Variants in UBE3A observed in about 807,000 individuals in gnomAD.
UBE3A encodes ubiquitin-protein ligase E3A.
A neutral mutation model predicts 83.4 loss-of-function variants in UBE3A; 6 were observed. The ratio of observed to expected loss-of-function variants is 0.07; its 90% CI spans 0.04 to 0.14. The LOEUF (loss-of-function observed/expected upper bound fraction) is 0.14, where lower values mean the gene tolerates loss of function less well. Among genes scored for constraint, UBE3A ranks in the 10% least tolerant of loss-of-function variants. The pLI is 1.00. For missense variants in UBE3A, 456 were observed against 1,036.1 expected (o/e 0.44, Z 7.69); for synonymous variants, 337 against 355.4 (o/e 0.95, Z 0.58).
intron 1 of UBE3A, among the ~76,000 whole-genome samples, chr15:25,429,796 G>A (rs1481466521): frequency 6.6e-6 from 1 of 151,604 alleles, no homozygotes; most frequent in Non-Finnish European, 1.5e-5. Flanking sequence ...CCTGAGGTTA[G>A]GAGTTTGAAA....
chr15:25,370,382 T>C lies in UBE3A; in HGVS notation c.1608+184A>G, dbSNP rs1354118676. Reference sequence around the variant, plus strand: ...ACCATTATATAATACAACCGATACTTTGTAGAACACATCTATAAACTTGCA... The same window carrying C: ...ACCATTATATAATACAACCGATACTCTGTAGAACACATCTATAAACTTGCA... On this transcript the variant is annotated intron_variant, in intron 6 of 12. Transcript: ENST00000648336. The surrounding 1 kb of genome is among the most constrained non-coding windows in gnomAD (Gnocchi z 4.2). Among the ~76,000 whole-genome samples the C allele has an allele frequency of 6.6e-6, 1 of 152,212 alleles. No individual in the cohort carries two copies. The highest frequency in any genetic ancestry group is 1.5e-5 in the Non-Finnish European group (1 of 68,040).
At chr15:25,434,793 G>A (rs532459982) in intron 1 of UBE3A, among the ~76,000 whole-genome samples, 1 of 152,246 alleles carries the variant, frequency 6.6e-6, no homozygotes, top group African/African-American at 2.4e-5. Flanking sequence ...TCATTTTAAA[G>A]CTTTGCACTC....
intron 4 of UBE3A, among the ~76,000 whole-genome samples, chr15:25,394,782 A>G (rs142194249): frequency 5.3e-5 from 8 of 152,360 alleles, no homozygotes; most frequent in African/African-American, 1.9e-4. Flanking sequence ...TTTCTGCAAG[A>G]TAATTAAAAA....
chr15:25,411,873 C>T (rs2090063318), intron 2 of UBE3A, 35 bp downstream of exon 2: 1 of 152,122 alleles, frequency 6.6e-6, no homozygotes, highest in Admixed American at 6.5e-5. Context: ...GATACACATG[C>T]AATACGAATT....
intron 6 of UBE3A, among the ~76,000 whole-genome samples, chr15:25,362,294 G>C (rs1257492820): frequency 1.3e-5 from 2 of 152,110 alleles, no homozygotes; most frequent in African/African-American, 2.4e-5. Flanking sequence ...GTTCAACACC[G>C]ATCTCTAATA....
At chr15:25,425,622 T>C (rs918815813) in intron 1 of UBE3A, among the ~76,000 whole-genome samples, 1 of 152,104 alleles carries the variant, frequency 6.6e-6, no homozygotes, top group African/African-American at 2.4e-5. Context: ...CCTCTACAGT[T>C]AAACACACTT....
intron 4 of UBE3A, among the ~76,000 whole-genome samples, chr15:25,382,384 C>T (rs192252209): frequency 1.0e-3 from 147 of 146,416 alleles, no homozygotes; most frequent in Non-Finnish European, 6.7e-4. Flanking sequence ...ATCCAGAATG[C>T]GTGATATATG....
intron 6 of UBE3A, among the ~76,000 whole-genome samples, chr15:25,363,951 G>A (rs2078568920): frequency 6.6e-6 from 1 of 151,648 alleles, no homozygotes; most frequent in Non-Finnish European, 1.5e-5. Context: ...CACCACTTTG[G>A]GAGGCCAATG....
At chr15:25,416,984 C>A (rs1056417113) in intron 1 of UBE3A, among the ~76,000 whole-genome samples, 2 of 152,036 alleles carry the variant, frequency 1.3e-5, no homozygotes, top group African/African-American at 2.4e-5. Flanking sequence ...AAATTGATGA[C>A]AAGTGCCAGA....
At chr15:25,381,894 T>C (rs2082233189) in intron 4 of UBE3A, among the ~76,000 whole-genome samples, 1 of 152,222 alleles carries the variant, frequency 6.6e-6, no homozygotes, top group Non-Finnish European at 1.5e-5. Flanking sequence ...AACCTACAAT[T>C]GTGAACTCAT....
intron 8 of UBE3A, 21 bp downstream of exon 8, chr15:25,356,668 TAA>T: frequency 1.9e-6 from 3 of 1,607,956 alleles, no homozygotes; most frequent in Non-Finnish European, 2.5e-6. Flanking sequence ...GAGACTGAAT[TAA>T]AAAAATGACA....
At chr15:25,395,638 C>G (rs8039641) in intron 4 of UBE3A, among the ~76,000 whole-genome samples, 7,760 of 152,142 alleles carry the variant, frequency 0.051, 323 homozygotes, top group African/African-American at 0.11. Flanking sequence ...AGGAGCTCCA[C>G]TTAGGACAGG....
chr15:25,404,335 C>G (rs1251277366), intron 4 of UBE3A, among the ~76,000 whole-genome samples: 3 of 152,098 alleles, frequency 2.0e-5, no homozygotes, highest in Non-Finnish European at 4.4e-5. Context: ...GGGCATCTTT[C>G]CTCTTATTCA....
chr15:25,407,072 C>T, intron 3 of UBE3A: 1 of 1,348,600 alleles, frequency 7.4e-7, no homozygotes, highest in Non-Finnish European at 9.8e-7. Context: ...CACACCTGGT[C>T]TCCACCAGCC....
intron 1 of UBE3A, among the ~76,000 whole-genome samples, chr15:25,437,612 TTAA>T (rs1246870864): frequency 6.6e-6 from 1 of 152,194 alleles, no homozygotes; most frequent in African/African-American, 2.4e-5. Flanking sequence ...CCCTCGCCAC[TTAA>T]TAATCTCAAA....
rs1453811516 is a variant in UBE3A at position 25,398,802 on chromosome 15, TATATATATATATAAAA to T, written c.62+6643_62+6658del. 1.7e-4 allele frequency among the ~76,000 whole-genome samples: 11 copies of T among 65,486 alleles called. 1 individual carries two copies. The highest frequency in any genetic ancestry group is 2.1e-4 in the Admixed American group (1 of 4,878). The allele number at this position is 65,486 out of a possible 152,430, so 43.0% of individuals were successfully genotyped here. A position where few individuals can be genotyped will look rare whatever the true frequency, so the allele number is the denominator to read the frequency against. On this transcript the variant is annotated intron_variant, in intron 4 of 12. Transcript: ENST00000648336. ...ATATATATATATATATATATATATA[TATATATATATATAAAA>T]ATACATATATATCCAAGTGTGACTG...
chr15:25,361,766 A>C (rs1358301331), intron 6 of UBE3A, among the ~76,000 whole-genome samples: 1 of 152,200 alleles, frequency 6.6e-6, no homozygotes, highest in East Asian at 1.9e-4. Context: ...CTTGGAGATG[A>C]AAATTTACCA....
intron 11 of UBE3A, among the ~76,000 whole-genome samples, chr15:25,348,247 A>C (rs539846227): frequency 6.6e-6 from 1 of 152,284 alleles, no homozygotes; most frequent in South Asian, 2.1e-4. Flanking sequence ...AAATATTCTC[A>C]AGTGATTTTT....
intron 7 of UBE3A, among the ~76,000 whole-genome samples, chr15:25,359,034 A>AT (rs1404646461): frequency 6.6e-6 from 1 of 152,224 alleles, no homozygotes; most frequent in East Asian, 1.9e-4. Flanking sequence ...TAATCAGAAT[A>AT]TAACTCTGAA....
Sources: allele counts gnomAD v4.1 joint callset (sites outside exome capture counted in the v4.1 genomes callset), GRCh38; gene constraint gnomAD v4.1.1; non-coding constraint Gnocchi (gnomAD v3.1); transcripts MANE v1.5; gene names NCBI Gene and HGNC (gene_info 2026-07-23, HGNC 2026-07-21).